The following SEMA6D variants were observed in gnomAD, a reference collection of about 807,000 sequenced individuals.
The protein encoded by SEMA6D is semaphorin 6D, also known as semaphorin-6D.
In SEMA6D, 35 loss-of-function variants were observed where a neutral mutation model predicts 106.6. The observed-to-expected ratio is 0.33, with a 90% CI of 0.25 to 0.44. The LOEUF (loss-of-function observed/expected upper bound fraction) is 0.44. SEMA6D is among the 20% of genes least tolerant of loss of function. The pLI, the probability that SEMA6D is intolerant of heterozygous loss-of-function variation, is 1.00. For synonymous variants in SEMA6D, 499 were observed against 487.7 expected (o/e 1.02, Z -0.31); for missense variants, 1,185 against 1,345.9 (o/e 0.88, Z 1.87).
At chr15:47,644,574 G>A (rs1471183165) in intron 4 of SEMA6D, among the ~76,000 whole-genome samples, 1 of 152,212 alleles carries the variant, frequency 6.6e-6, no homozygotes, top group East Asian at 1.9e-4. Flanking sequence ...GGGGGCAGGT[G>A]CCCTTACAAA....
At chr15:47,764,141 C>T (rs2082209170) in intron 10 of SEMA6D, 33 bp from the exon 11 acceptor site, 2 of 1,612,680 alleles carry the variant, frequency 1.2e-6, no homozygotes, top group Admixed American at 1.7e-5. Flanking sequence ...TTCATGTCGC[C>T]AGCCTCTTCC....
rs1359408269 is a variant in SEMA6D, at chr15:47,773,224, A to G, written c.*1439A>G. The G allele has an allele frequency of 6.6e-6, 1 of 152,636 alleles. No individual in the cohort carries two copies. The highest frequency in any genetic ancestry group is 1.5e-5 in the Non-Finnish European group (1 of 68,028). 9.5% of individuals were successfully genotyped at this position (152,636 alleles called of 1,614,324 possible). A position where few individuals can be genotyped will look rare whatever the true frequency, so the allele number is the denominator to read the frequency against. On this transcript the variant is annotated 3_prime_UTR_variant, in exon 19 of 19. Transcript: ENST00000536845. ...AAAATCACAGAAACAACCTAGGACA[A>G]TTATTTGTTACATAATCCGACCTCA...
chr15:47,281,946 C>T (rs1483941479), intron 1 of SEMA6D, among the ~76,000 whole-genome samples: 1 of 152,096 alleles, frequency 6.6e-6, no homozygotes, highest in Non-Finnish European at 1.5e-5. Context: ...AATTATAGAA[C>T]TAGCAAGTAG....
At chr15:47,645,503 G>GT (rs548935207) in intron 4 of SEMA6D, among the ~76,000 whole-genome samples, 285 of 150,176 alleles carry the variant, frequency 1.9e-3, no homozygotes, top group Admixed American at 2.6e-3. Flanking sequence ...CAAAGTTGGA[G>GT]TTTTTTTTTT....
rs191519493 is a variant in SEMA6D, at chr15:47,193,510, T to G, written c.-239+9092T>G. On this transcript the variant is annotated intron_variant, in intron 1 of 19. Coordinates refer to the SEMA6D transcript ENST00000558014. ...AATACTGAACCTTATGTTTTAGCTG[T>G]TTGTCAAGGCCGAAATTGGATTATA... Among the ~76,000 whole-genome samples, 254 of 152,276 alleles carry G rather than the reference T, an allele frequency of 1.7e-3. 1 individual carries two copies. Among genetic ancestry groups the G allele is most frequent in the Non-Finnish European group, 5.1e-4 (35 of 68,018 alleles).
chr15:47,720,454 C>G (rs1427358087), intron 1 of SEMA6D, among the ~76,000 whole-genome samples: 1 of 151,972 alleles, frequency 6.6e-6, no homozygotes. Flanking sequence ...GGTCATGTCT[C>G]CCCTGGTTTG....
chr15:47,236,187 A>G (rs759102638), intron 1 of SEMA6D, among the ~76,000 whole-genome samples: 5 of 152,134 alleles, frequency 3.3e-5, no homozygotes, highest in Admixed American at 2.0e-4. Flanking sequence ...AATTATTTTC[A>G]GGGAGAATCA....
At chr15:47,313,704 A>G (rs535631710) in intron 1 of SEMA6D, among the ~76,000 whole-genome samples, 29 of 152,244 alleles carry the variant, frequency 1.9e-4, no homozygotes, top group African/African-American at 6.7e-4. Context: ...AGCTGATACT[A>G]AAGGCGAACA....
chr15:47,551,094 A>G (rs922622888), intron 3 of SEMA6D, among the ~76,000 whole-genome samples: 1 of 152,158 alleles, frequency 6.6e-6, no homozygotes, highest in African/African-American at 2.4e-5. Context: ...CTCCAGTTAT[A>G]TGAAGGTTTT....
At chr15:47,395,620 C>T (rs75014611) in intron 1 of SEMA6D, 6 of 152,312 alleles carry the variant, frequency 3.9e-5, no homozygotes, top group Non-Finnish European at 8.8e-5. Flanking sequence ...CAGGAGCTAT[C>T]ATGTGGAGAA....
At chr15:47,482,368 A>G (rs2043176178) in intron 3 of SEMA6D, among the ~76,000 whole-genome samples, 2 of 152,186 alleles carry the variant, frequency 1.3e-5, no homozygotes, top group Non-Finnish European at 2.9e-5. Context: ...ACATGCCATC[A>G]TTACCTGTCC....
chr15:47,444,945 G>A (rs939935214), intron 2 of SEMA6D, among the ~76,000 whole-genome samples: 2 of 152,112 alleles, frequency 1.3e-5, no homozygotes, highest in African/African-American at 2.4e-5. Context: ...GATGAATGTG[G>A]GGGTTTTACT....
At chr15:47,329,350 A>G (rs1199966507) in intron 1 of SEMA6D, among the ~76,000 whole-genome samples, 2 of 152,222 alleles carry the variant, frequency 1.3e-5, no homozygotes, top group South Asian at 2.1e-4. Flanking sequence ...TGCACAGCTC[A>G]TAGCATGAAC....
chr15:47,413,989 A>G (rs2040880794), intron 2 of SEMA6D, among the ~76,000 whole-genome samples: 1 of 150,690 alleles, frequency 6.6e-6, no homozygotes, highest in South Asian at 2.1e-4. Context: ...TTCTTCTCAA[A>G]TTGCCTTGCT....
chr15:47,748,190 G>A (rs2081248719), intron 1 of SEMA6D, among the ~76,000 whole-genome samples: 2 of 152,236 alleles, frequency 1.3e-5, no homozygotes, highest in Admixed American at 1.3e-4. Flanking sequence ...TCATGAACTG[G>A]AGGCTAATGA....
chr15:47,226,146 G>A (rs983223027), intron 1 of SEMA6D, among the ~76,000 whole-genome samples: 2 of 151,984 alleles, frequency 1.3e-5, no homozygotes, highest in African/African-American at 4.8e-5. Flanking sequence ...GAAAATAAAG[G>A]TAGCTATTAA....
chr15:47,755,491 G>A (rs1368155940), intron 1 of SEMA6D, among the ~76,000 whole-genome samples: 1 of 152,054 alleles, frequency 6.6e-6, no homozygotes, highest in Non-Finnish European at 1.5e-5. Context: ...GTAAATAATT[G>A]TAGTCTCTGG....
intron 3 of SEMA6D, among the ~76,000 whole-genome samples, chr15:47,572,196 C>A (rs2046402534): frequency 6.6e-6 from 1 of 152,192 alleles, no homozygotes; most frequent in African/African-American, 2.4e-5. Context: ...CTTCTAAAAT[C>A]TTTCTTAAAA....
chr15:47,356,891 A>C (rs1388500269), intron 1 of SEMA6D, among the ~76,000 whole-genome samples: 1 of 152,136 alleles, frequency 6.6e-6, no homozygotes, highest in Non-Finnish European at 1.5e-5. Context: ...CAAACCATTT[A>C]ATTTTATTTT....
Sources: gnomAD v4.1 joint callset for allele counts (sites outside exome capture counted in the v4.1 genomes callset) on GRCh38, gnomAD v4.1.1 for gene constraint, MANE v1.5 for transcripts, NCBI Gene and HGNC (gene_info 2026-07-23, HGNC 2026-07-21) for gene names.